Variants in EXD2 observed in about 807,000 individuals in gnomAD.
The protein encoded by EXD2 is exonuclease 3'-5' domain containing 2, also known as exonuclease 3'-5' domain-containing protein 2.
EXD2 carries 40 observed loss-of-function variants against 62.5 expected under a neutral mutation model. That is an observed-to-expected ratio of 0.64 (90% CI 0.50 to 0.83). The LOEUF (loss-of-function observed/expected upper bound fraction) is 0.83, where lower values mean the gene tolerates loss of function less well. Ranked by LOEUF, EXD2 falls within the 40% of genes least tolerant of loss-of-function variation. EXD2 has a pLI of 0.00. For synonymous variants in EXD2, 239 were observed against 291.9 expected (o/e 0.82, Z 1.85); for missense variants, 671 against 761.8 (o/e 0.88, Z 1.40).
intron 3 of EXD2, among the ~76,000 whole-genome samples, chr14:69,218,411 G>C (rs185843502): frequency 1.3e-5 from 2 of 152,066 alleles, no homozygotes; most frequent in Admixed American, 1.3e-4. Context: ...TGAGTTCTTT[G>C]TTGATTCTGG....
Position 69,209,709 on chromosome 14 carries a change from T to G in EXD2, c.239T>G (p.Val80Gly). 1 of 1,550,236 alleles carries G rather than the reference T, an allele frequency of 6.5e-7. No homozygotes were observed. The highest frequency in any genetic ancestry group is 8.7e-7 in the Non-Finnish European group (1 of 1,146,936). The stretch of plus-strand genomic sequence containing the variant: ...GAACGGATCCTTAAAGCAAAGGTGG[T>G]GACGGTGTCTCAGGAGGCAGAGTGG... ...WKERILKAKVVTVSQEAEWDQ... is the reference protein window; with the variant it reads ...WKERILKAKVGTVSQEAEWDQ... Residue 80 changes from valine to glycine, a missense_variant, in exon 3 of 10, where the codon GTG becomes GGG. By Grantham distance (109) the Val-to-Gly change is moderately radical. Coordinates refer to ENST00000685843, the MANE Select transcript of EXD2 (RefSeq NM_001193360.2).
chr14:69,215,294 ATATATG>A (rs1196406404), intron 3 of EXD2, among the ~76,000 whole-genome samples: 4 of 137,190 alleles, frequency 2.9e-5, no homozygotes, highest in Admixed American at 2.1e-4. Flanking sequence ...CATCTCAAAA[ATATATG>A]TGTGTGTGTG....
chr14:69,213,574 G>C (rs1244446695), intron 3 of EXD2, among the ~76,000 whole-genome samples: 1 of 124,682 alleles, frequency 8.0e-6, no homozygotes, highest in South Asian at 2.7e-4. Context: ...ATGGGGTCTT[G>C]TTGTGTTGCC....
At chr14:69,196,014 C>T (rs1427232139) in intron 1 of EXD2, 1 of 152,222 alleles carries the variant, frequency 6.6e-6, no homozygotes. Flanking sequence ...TGTGCTCTTC[C>T]TGAAGGCTCT....
intron 9 of EXD2, 61 bp downstream of exon 9, chr14:69,237,992 A>G (rs2043857549): frequency 2.1e-6 from 3 of 1,445,562 alleles, no homozygotes; most frequent in African/African-American, 2.8e-5. Flanking sequence ...CTTAGTGAGA[A>G]TGCTTGCCAG....
intron 3 of EXD2, among the ~76,000 whole-genome samples, chr14:69,212,068 T>C (rs1420423789): frequency 1.3e-5 from 2 of 152,018 alleles, no homozygotes; most frequent in Admixed American, 6.6e-5. Context: ...AGAATAAATT[T>C]AAGAGATGAA....
rs766473777 is a variant in EXD2 at position 69,228,956 on chromosome 14, T to C, written c.474T>C (p.Asp158=). The C allele has an allele frequency of 1.2e-6, 2 of 1,614,218 alleles. No homozygotes were observed. The highest frequency in any genetic ancestry group is 2.2e-5 in the South Asian group (2 of 91,086). The change falls in exon 4 of 10, where the codon GAT becomes GAC. Residue 158 remains aspartate, a synonymous_variant. Coordinates refer to ENST00000685843, the MANE Select transcript of EXD2 (RefSeq NM_001193360.2). ...LPRTLLDILA[D]GTILKVGVGC... ...GAACGTTATTGGATATTTTGGCAGA[T>C]GGCACCATTTTGAAAGTTGGAGTGG...
intron 2 of EXD2, among the ~76,000 whole-genome samples, chr14:69,207,197 T>C (rs946509270): frequency 6.6e-6 from 1 of 152,098 alleles, no homozygotes; most frequent in Non-Finnish European, 1.5e-5. Context: ...ATTGTAAATA[T>C]GAAATTTTTT....
rs573461807 is a variant in EXD2 at position 69,222,347 on chromosome 14, T to G, written c.334-6469T>G. Among the ~76,000 whole-genome samples the G allele has an allele frequency of 8.5e-5, 13 of 152,218 alleles. No homozygotes were observed. The South Asian group carries it at 2.7e-3, about 32-fold the overall frequency. On this transcript the variant is annotated intron_variant, in intron 3 of 9. Coordinates refer to ENST00000685843, the MANE Select transcript of EXD2 (RefSeq NM_001193360.2). ...TATGTCTATTGTTTCTTTCCTTCTG[T>G]TCTCTTGGATATAATTTCTTATTCT...
At chr14:69,202,384 T>G (rs1300267059) in intron 1 of EXD2, among the ~76,000 whole-genome samples, 1 of 151,842 alleles carries the variant, frequency 6.6e-6, no homozygotes, top group Non-Finnish European at 1.5e-5. Context: ...CTCAAAAAAA[T>G]AAATAAAAAT....
chr14:69,220,335 A>C (rs1215377035), intron 3 of EXD2, among the ~76,000 whole-genome samples: 13 of 120,048 alleles, frequency 1.1e-4, no homozygotes, highest in Non-Finnish European at 1.9e-4. Flanking sequence ...CAGTGGCATG[A>C]TCTTGGCTCA....
At chr14:69,233,513 GCCTCCT>G (rs1434257809) in intron 5 of EXD2, among the ~76,000 whole-genome samples, 3 of 151,760 alleles carry the variant, frequency 2.0e-5, no homozygotes, top group East Asian at 3.9e-4. Context: ...TGCAACTTCT[GCCTCCT>G]GGGTTCAAGC....
intron 9 of EXD2, 33 bp from the exon 10 acceptor site, chr14:69,240,851 C>A (rs1404870516): frequency 1.9e-6 from 3 of 1,595,628 alleles, no homozygotes; most frequent in Non-Finnish European, 1.7e-6. Flanking sequence ...GCGCTTGTTT[C>A]CCTCAGACAC....
At chr14:69,239,953 T>C (rs1257307845) in intron 9 of EXD2, among the ~76,000 whole-genome samples, 1 of 152,238 alleles carries the variant, frequency 6.6e-6, no homozygotes, top group Non-Finnish European at 1.5e-5. Context: ...CACAGACTTT[T>C]CTAACAAATT....
chr14:69,224,768 C>T (rs961756440), intron 3 of EXD2, among the ~76,000 whole-genome samples: 1 of 152,064 alleles, frequency 6.6e-6, no homozygotes, highest in Admixed American at 6.6e-5. Flanking sequence ...ATCATGATGT[C>T]AAGAGATCGA....
At position 69,237,931 on chromosome 14, in the gene EXD2, G is replaced by T. The variant is rs2043855185; in HGVS notation, c.1649G>T (p.Arg550Ile). ...CAAGAGGCTGCCAGCCTGGAGACCAGGTACAAAGCACAGGAATTGTGGAAT... is the reference window on the plus strand; with the variant it reads ...CAAGAGGCTGCCAGCCTGGAGACCATGTACAAAGCACAGGAATTGTGGAAT... ...MLQEAASLETRISNENYVPHG... is the reference protein window; with the variant it reads ...MLQEAASLETIISNENYVPHG... Residue 550 changes from arginine to isoleucine, a missense_variant and splice_region_variant, in exon 9 of 10, where the codon AGA becomes ATA. Coordinates refer to ENST00000685843, the MANE Select transcript of EXD2 (RefSeq NM_001193360.2). The T allele has an allele frequency of 4.5e-6, 7 of 1,547,080 alleles. No individual in the cohort carries two copies. The South Asian group carries it at 7.6e-5, about 17-fold the overall frequency.
chr14:69,214,387 A>G (rs927608019), intron 3 of EXD2, among the ~76,000 whole-genome samples: 3 of 152,174 alleles, frequency 2.0e-5, no homozygotes, highest in African/African-American at 7.2e-5. Context: ...AATATTTAAC[A>G]TATCTTAGTC....
chr14:69,218,033 C>A (rs1036071470), intron 3 of EXD2, among the ~76,000 whole-genome samples: 1 of 152,162 alleles, frequency 6.6e-6, no homozygotes, highest in Non-Finnish European at 1.5e-5. Context: ...GATTTATAAT[C>A]CTTTGGGTAT....
chr14:69,199,271 T>C (rs1402396575), intron 1 of EXD2, among the ~76,000 whole-genome samples: 2 of 152,198 alleles, frequency 1.3e-5, no homozygotes, highest in Non-Finnish European at 2.9e-5. Flanking sequence ...GTTACACTTA[T>C]GTAGGGTATC....
Sources: allele counts gnomAD v4.1 joint callset (sites outside exome capture counted in the v4.1 genomes callset), GRCh38; gene constraint gnomAD v4.1.1; transcripts MANE v1.5; gene names NCBI Gene and HGNC (gene_info 2026-07-23, HGNC 2026-07-21).